ZNF609: variants seen among roughly 807,000 people sequenced by gnomAD.
The protein encoded by ZNF609 is zinc finger protein 609.
Under a neutral mutation model 109.5 loss-of-function variants are expected in ZNF609, and 11 were observed. The ratio of observed to expected loss-of-function variants is 0.10; its 90% CI spans 0.06 to 0.17. ZNF609 has a LOEUF of 0.17. ZNF609 is among the 10% of genes least tolerant of loss of function. ZNF609 has a pLI of 1.00. For missense variants in ZNF609, 1,559 were observed against 1,772.4 expected, an observed-to-expected ratio of 0.88 and a Z score of 2.16; for synonymous variants, 646 against 662.0, an observed-to-expected ratio of 0.98 and a Z score of 0.37.
intron 2 of ZNF609, among the ~76,000 whole-genome samples, chr15:64,510,261 G>A (rs1277831097): frequency 6.7e-6 from 1 of 148,360 alleles, no homozygotes; most frequent in Non-Finnish European, 1.5e-5. Context: ...CTGCAGTGCA[G>A]TAGTATGATC....
At chr15:64,584,584 G>A (rs1428869539) in intron 2 of ZNF609, among the ~76,000 whole-genome samples, 12 of 152,032 alleles carry the variant, frequency 7.9e-5, no homozygotes, top group Admixed American at 7.9e-4. Flanking sequence ...ACAGGAATGA[G>A]CCACCACACC....
chr15:64,647,253 T>C (rs1020556438), intron 3 of ZNF609, among the ~76,000 whole-genome samples: 1 of 152,094 alleles, frequency 6.6e-6, no homozygotes, highest in Admixed American at 6.6e-5. Flanking sequence ...CTTAGGTATC[T>C]AGAATGGATA....
intron 2 of ZNF609, among the ~76,000 whole-genome samples, chr15:64,517,063 A>G (rs1179606743): frequency 1.3e-5 from 2 of 152,196 alleles, no homozygotes; most frequent in Non-Finnish European, 2.9e-5. Context: ...CTTTAAAAAT[A>G]TAGCATTAGC....
chr15:64,570,590 C>G (rs1894845166), intron 2 of ZNF609, among the ~76,000 whole-genome samples: 1 of 152,124 alleles, frequency 6.6e-6, no homozygotes, highest in Non-Finnish European at 1.5e-5. Flanking sequence ...TGATTATGGT[C>G]AAGTATATGG....
At chr15:64,582,490 G>C (rs1036086628) in intron 2 of ZNF609, among the ~76,000 whole-genome samples, 1 of 152,040 alleles carries the variant, frequency 6.6e-6, no homozygotes, top group African/African-American at 2.4e-5. Flanking sequence ...TCTTTTTCAA[G>C]TACTTCCCTA....
intron 2 of ZNF609, among the ~76,000 whole-genome samples, chr15:64,599,403 G>A (rs909664639): frequency 2.0e-5 from 3 of 152,050 alleles, no homozygotes; most frequent in South Asian, 2.1e-4. Flanking sequence ...GCCTAGACTG[G>A]TGCCTGGCAT....
chr15:64,470,350 T>C (rs1893075820), intron 1 of ZNF609: 1 of 151,986 alleles, frequency 6.6e-6, no homozygotes, highest in African/African-American at 2.4e-5. Flanking sequence ...ACCCAGCCAA[T>C]TACGTTATTT....
chr15:64,528,154 G>A (rs1465643692), intron 2 of ZNF609, among the ~76,000 whole-genome samples: 1 of 151,226 alleles, frequency 6.6e-6, no homozygotes, highest in Non-Finnish European at 1.5e-5. Context: ...CTGGAGTGCA[G>A]TGACGCGATC....
intron 3 of ZNF609, among the ~76,000 whole-genome samples, chr15:64,658,761 C>T (rs1896528047): frequency 6.6e-6 from 1 of 151,036 alleles, no homozygotes; most frequent in Non-Finnish European, 1.5e-5. Flanking sequence ...CATACCACTA[C>T]ACTCCAGCCT....
chr15:64,547,460 A>G (rs1009421362), intron 2 of ZNF609, among the ~76,000 whole-genome samples: 1 of 152,234 alleles, frequency 6.6e-6, no homozygotes, highest in African/African-American at 2.4e-5. Context: ...TAATAATTCT[A>G]TGTAGAATTG....
intron 3 of ZNF609, among the ~76,000 whole-genome samples, chr15:64,657,612 CA>C (rs533575460): frequency 6.7e-6 from 1 of 149,162 alleles, no homozygotes; most frequent in African/African-American, 2.5e-5. Flanking sequence ...GACTCCGTCT[CA>C]AAAAAAAACA....
intron 2 of ZNF609, among the ~76,000 whole-genome samples, chr15:64,566,645 A>T (rs1894781973): frequency 1.3e-5 from 2 of 152,246 alleles, no homozygotes; most frequent in Non-Finnish European, 2.9e-5. Flanking sequence ...AATTAAGTGT[A>T]GTAAAGGAAA....
At chr15:64,633,638 T>C (rs1896120762) in intron 3 of ZNF609, among the ~76,000 whole-genome samples, 1 of 152,216 alleles carries the variant, frequency 6.6e-6, no homozygotes, top group Non-Finnish European at 1.5e-5. Context: ...TTGTTCACAT[T>C]TGCCCTACAG....
At chr15:64,672,990 C>T (rs1896758691) in intron 4 of ZNF609, among the ~76,000 whole-genome samples, 1 of 150,970 alleles carries the variant, frequency 6.6e-6, no homozygotes, top group Admixed American at 6.6e-5. Flanking sequence ...GAATCAGAAG[C>T]ATATGAGCTA....
At chr15:64,583,015 T>A (rs1895136079) in intron 2 of ZNF609, among the ~76,000 whole-genome samples, 1 of 151,062 alleles carries the variant, frequency 6.6e-6, no homozygotes, top group African/African-American at 2.4e-5. Flanking sequence ...CCTTCCAAAG[T>A]GCTGGGATTA....
chr15:64,467,849 AAAAAG>A (rs1893036668), intron 1 of ZNF609, among the ~76,000 whole-genome samples: 1 of 152,186 alleles, frequency 6.6e-6, no homozygotes, highest in Admixed American at 6.5e-5. Context: ...GTCAAAAAGA[AAAAAG>A]AAAATATGTG....
intron 2 of ZNF609, among the ~76,000 whole-genome samples, chr15:64,617,513 G>A (rs774067950): frequency 7.9e-5 from 12 of 151,470 alleles, no homozygotes; most frequent in African/African-American, 1.5e-4. Context: ...ATTATCGCCA[G>A]GCATGTCTGT....
At chr15:64,547,624 C>G (rs1485202421) in intron 2 of ZNF609, among the ~76,000 whole-genome samples, 1 of 151,750 alleles carries the variant, frequency 6.6e-6, no homozygotes, top group Non-Finnish European at 1.5e-5. Flanking sequence ...GGAATTACCT[C>G]TAGCCATTTG....
intron 3 of ZNF609, among the ~76,000 whole-genome samples, chr15:64,669,572 T>C (rs1407811602): frequency 6.6e-6 from 1 of 152,200 alleles, no homozygotes; most frequent in African/African-American, 2.4e-5. Context: ...CATTTTATAT[T>C]AGGGTTTGTT....
Sources: gnomAD v4.1 joint callset for allele counts (sites outside exome capture counted in the v4.1 genomes callset) on GRCh38, gnomAD v4.1.1 for gene constraint, MANE v1.5 for transcripts, NCBI Gene and HGNC (gene_info 2026-07-23, HGNC 2026-07-21) for gene names.